The following PASD1 variants were observed in gnomAD, a reference collection of about 807,000 sequenced individuals.
The protein encoded by PASD1 is circadian clock protein PASD1.
In PASD1, 13 loss-of-function variants were observed where a neutral mutation model predicts 58.8. The ratio of observed to expected loss-of-function variants is 0.22; its 90% CI spans 0.14 to 0.35. The LOEUF is 0.35. Ranked by LOEUF, PASD1 falls within the 10% of genes least tolerant of loss-of-function variation. The pLI, the probability that PASD1 is intolerant of heterozygous loss-of-function variation, is 1.00. For missense variants in PASD1, 734 were observed against 568.3 expected, an observed-to-expected ratio of 1.29 and a Z score of -2.96; for synonymous variants, 236 against 216.7, an observed-to-expected ratio of 1.09 and a Z score of -0.78.
chrX:151,614,428 C>G (rs923476764), intron 4 of PASD1, among the ~76,000 whole-genome samples: 1 of 111,644 alleles, frequency 9.0e-6, no homozygotes, highest in Non-Finnish European at 1.9e-5. Flanking sequence ...GTAGCAAGGC[C>G]TTCATATTCC....
In PASD1 at chrX:151,672,693, A is replaced by G. The variant is rs369449678; in HGVS notation, c.1916+32A>G. The G allele has an allele frequency of 1.6e-4, 189 of 1,198,102 alleles. No homozygotes were observed. In the Middle Eastern group the frequency reaches 2.9e-3, roughly 18 times the overall value. Reference sequence around the variant, plus strand: ...CATGCATGGAATGGTGATAGTGGCTATGATTATTGCTTTTCCCTCATGGCT... The same window carrying G: ...CATGCATGGAATGGTGATAGTGGCTGTGATTATTGCTTTTCCCTCATGGCT... On this transcript the variant is annotated intron_variant, in intron 14 of 15. Transcript: ENST00000370357.
chrX:151,584,897 C>T (rs1292657085), intron 1 of PASD1, among the ~76,000 whole-genome samples: 2 of 112,091 alleles, frequency 1.8e-5, no homozygotes, highest in African/African-American at 3.2e-5. Flanking sequence ...TCTGTCACTG[C>T]ACTTTGCAAA....
At chrX:151,635,254 A>C (rs1465238698) in intron 8 of PASD1, among the ~76,000 whole-genome samples, 1 of 110,927 alleles carries the variant, frequency 9.0e-6, no homozygotes, top group Non-Finnish European at 1.9e-5. Context: ...TCTAAGTCTT[A>C]GTCTGAGCAA....
chrX:151,645,816 A>G (rs1366596670), intron 8 of PASD1: 1 of 111,720 alleles, frequency 9.0e-6, no homozygotes, highest in Non-Finnish European at 1.9e-5. Context: ...CATTATTTAC[A>G]TGCACAAACT....
At position 151,673,992 on chromosome X, in the gene PASD1, T is replaced by G. The variant is rs911618074; in HGVS notation, c.1981T>G (p.Ser661Ala). Residue 661 changes from serine to alanine, a missense_variant, in exon 15 of 16, where the codon TCT becomes GCT. Ser to Ala is a moderately conservative substitution (Grantham distance 99, BLOSUM62 1). Coordinates refer to ENST00000370357, the MANE Select transcript of PASD1 (RefSeq NM_173493.3). ...NQLPLIDTSNSEAISSSSIPQ... is the reference protein window; with the variant it reads ...NQLPLIDTSNAEAISSSSIPQ... ...GCTGCCATTGATAGATACCTCAAACTCTGAGGCAATTTCTTCTTCCAGCAT... is the reference window on the plus strand; with the variant it reads ...GCTGCCATTGATAGATACCTCAAACGCTGAGGCAATTTCTTCTTCCAGCAT... The G allele has an allele frequency of 2.5e-6, 3 of 1,209,108 alleles. No homozygotes were observed. In the African/African-American group the frequency reaches 5.2e-5, roughly 21 times the overall value.
chrX:151,567,093 T>TAAATAAAA (rs1556119172), intron 1 of PASD1, among the ~76,000 whole-genome samples: 4 of 95,700 alleles, frequency 4.2e-5, no homozygotes, highest in South Asian at 4.5e-4. Context: ...AATAAATAAA[T>TAAATAAAA]AAAATAAAAT....
chrX:151,641,396 C>T (rs1569411487), intron 8 of PASD1, among the ~76,000 whole-genome samples: 1 of 111,433 alleles, frequency 9.0e-6, no homozygotes. Context: ...ATAAAAGGGA[C>T]CTCATGTTAT....
At chrX:151,600,229 A>T (rs1043725086) in intron 1 of PASD1, among the ~76,000 whole-genome samples, 1 of 109,122 alleles carries the variant, frequency 9.2e-6, no homozygotes, top group Admixed American at 9.7e-5. Context: ...GTCCAGCCTT[A>T]GCTCGGCATC....
At chrX:151,635,639 T>G (rs945507216) in intron 8 of PASD1, among the ~76,000 whole-genome samples, 2 of 112,213 alleles carry the variant, frequency 1.8e-5, no homozygotes, top group African/African-American at 6.5e-5. Context: ...GGTTGCCAAC[T>G]TATGTCATTG....
chrX:151,632,360 A>G (rs1243451772), intron 8 of PASD1, among the ~76,000 whole-genome samples: 1 of 111,196 alleles, frequency 9.0e-6, no homozygotes, highest in African/African-American at 3.3e-5. Flanking sequence ...GGAAGAGCAG[A>G]TGCAAGGTCC....
intron 8 of PASD1, among the ~76,000 whole-genome samples, chrX:151,638,816 A>AT (rs982349464): frequency 3.6e-5 from 4 of 111,164 alleles, no homozygotes; most frequent in Non-Finnish European, 7.5e-5. Flanking sequence ...ATCATTCTGG[A>AT]TTTTAAGTTT....
At position 151,671,635 on chromosome X, in the gene PASD1, C is replaced by G. The variant is rs764686782; in HGVS notation, c.1293C>G (p.Pro431=). The G allele has an allele frequency of 3.6e-5, 44 of 1,211,624 alleles. No homozygotes were observed. Among genetic ancestry groups the G allele is most frequent in the Non-Finnish European group, 4.8e-5 (43 of 895,327 alleles). The change falls in exon 13 of 16, where the codon CCC becomes CCG. Residue 431 remains proline (P), a synonymous_variant. Coordinates refer to ENST00000370357, the MANE Select transcript of PASD1 (RefSeq NM_173493.3). ...ATCTCCAATCTTCGGAGGCAGTGCC[C>G]AAGAAACAACAGAAACAACACGCTG... ...IPDLQSSEAV[P]KKQQKQHAGQ...
chrX:151,642,264 C>T (rs928625940), intron 8 of PASD1, among the ~76,000 whole-genome samples: 3 of 111,500 alleles, frequency 2.7e-5, no homozygotes, highest in African/African-American at 9.8e-5. Flanking sequence ...ATCACCTGCT[C>T]GTGTTTTTTC....
intron 1 of PASD1, among the ~76,000 whole-genome samples, chrX:151,566,381 A>T (rs2012842043): frequency 1.8e-5 from 2 of 112,068 alleles, no homozygotes; most frequent in African/African-American, 3.3e-5. Context: ...AAGTTATGAG[A>T]TTAATAACTC....
intron 8 of PASD1, among the ~76,000 whole-genome samples, chrX:151,647,857 C>G (rs2014080034): frequency 9.0e-6 from 1 of 111,051 alleles, no homozygotes; most frequent in South Asian, 3.8e-4. Context: ...TATGTGTCTT[C>G]TGAATATGCT....
At chrX:151,609,800 GGT>G (rs201734141) in intron 3 of PASD1, among the ~76,000 whole-genome samples, 1,672 of 87,810 alleles carry the variant, frequency 0.019, 29 homozygotes, top group African/African-American at 0.064. Context: ...CTGCTTTCAG[GGT>G]GTTTTTTTTT....
chrX:151,676,119 A>G lies in PASD1; in HGVS notation c.2298A>G (p.Gln766=). 6.6e-6 allele frequency: 8 copies of G among 1,209,736 alleles called. No individual in the cohort carries two copies. Among genetic ancestry groups the G allele is most frequent in the East Asian group, 5.9e-5 (2 of 33,750 alleles). Residue 766 remains glutamine (Q), a synonymous_variant, in exon 16 of 16, where the codon CAA becomes CAG. Coordinates refer to ENST00000370357, the MANE Select transcript of PASD1 (RefSeq NM_173493.3). ...AGACCAGATTGATGCCTGCAGAGCA[A>G]CGTGACTCAAATAAGCCGTGCTAAC... is the stretch of plus-strand genomic sequence containing the variant. The part of the protein sequence containing the change: ...AEQTRLMPAE[Q]RDSNKPC
intron 1 of PASD1, among the ~76,000 whole-genome samples, chrX:151,591,140 G>A (rs1430356787): frequency 9.0e-6 from 1 of 111,399 alleles, no homozygotes; most frequent in African/African-American, 3.3e-5. Flanking sequence ...TTAGACTGAG[G>A]ATTCTTTTGA....
chrX:151,638,417 C>T (rs1337512364), intron 8 of PASD1, among the ~76,000 whole-genome samples: 7 of 105,134 alleles, frequency 6.7e-5, no homozygotes, highest in Non-Finnish European at 1.4e-4. Flanking sequence ...ACATTGTGCT[C>T]GTGTACCCTA....
Sources: allele counts gnomAD v4.1 joint callset (sites outside exome capture counted in the v4.1 genomes callset), GRCh38; gene constraint gnomAD v4.1.1; transcripts MANE v1.5; gene names NCBI Gene and HGNC (gene_info 2026-07-23, HGNC 2026-07-21).